The following NMNAT2 variants were observed in gnomAD, a reference collection of about 807,000 sequenced individuals.
NMNAT2 encodes nicotinamide/nicotinic acid mononucleotide adenylyltransferase 2.
A neutral mutation model predicts 41.6 loss-of-function variants in NMNAT2; 11 were observed. The observed-to-expected ratio is 0.26, with a 90% confidence interval of 0.17 to 0.44. NMNAT2 has a LOEUF of 0.44. Ranked by LOEUF, NMNAT2 falls within the 20% of genes least tolerant of loss-of-function variation. The pLI is 1.00. For missense variants in NMNAT2, 288 were observed against 407.7 expected (o/e 0.71, Z 2.53); for synonymous variants, 148 against 151.2 (o/e 0.98, Z 0.16).
chr1:183,411,273 A>G (rs1024698081), intron 1 of NMNAT2, among the ~76,000 whole-genome samples: 1 of 152,182 alleles, frequency 6.6e-6, no homozygotes, highest in African/African-American at 2.4e-5. Context: ...AGTCTACCAT[A>G]GACTTGAGAT....
At chr1:183,303,482 C>T (rs759910045) in intron 1 of NMNAT2, among the ~76,000 whole-genome samples, 4 of 152,124 alleles carry the variant, frequency 2.6e-5, no homozygotes, top group South Asian at 2.1e-4. Context: ...CAGTTTTGCC[C>T]GAGATCACAG....
chr1:183,404,947 G>A lies in NMNAT2; in HGVS notation c.85+13236C>T, dbSNP rs573578323. ...CAACTAAAAGGATCTCAGGCCGGGC[G>A]AGGTGGCTTAAGCCTGTAATCCCAG... On this transcript the variant is annotated intron_variant, in intron 1 of 10. Transcript: ENST00000287713. Among the ~76,000 whole-genome samples, 177 of 152,294 alleles carry A rather than the reference G, an allele frequency of 1.2e-3. 1 individual carries two copies. The highest frequency in any genetic ancestry group is 3.7e-3 in the African/African-American group (154 of 41,564).
intron 1 of NMNAT2, among the ~76,000 whole-genome samples, chr1:183,404,446 T>C (rs747443239): frequency 9.2e-5 from 14 of 152,324 alleles, no homozygotes; most frequent in Non-Finnish European, 1.6e-4. Flanking sequence ...GGAATGCATA[T>C]GCTTAGAAAT....
intron 1 of NMNAT2, among the ~76,000 whole-genome samples, chr1:183,334,944 A>G (rs1402215993): frequency 6.6e-6 from 1 of 152,202 alleles, no homozygotes; most frequent in African/African-American, 2.4e-5. Flanking sequence ...AAAAAGTTAC[A>G]TGATATTGTC....
At chr1:183,314,872 C>A (rs1236386304) in intron 1 of NMNAT2, among the ~76,000 whole-genome samples, 1 of 152,154 alleles carries the variant, frequency 6.6e-6, no homozygotes, top group Non-Finnish European at 1.5e-5. Context: ...AAGTGAGACT[C>A]CATCTTTAAA....
intron 7 of NMNAT2, chr1:183,283,718 T>G: frequency 2.2e-6 from 1 of 462,854 alleles, no homozygotes; most frequent in Non-Finnish European, 4.0e-6. Context: ...AAGCTCAACT[T>G]TCATGTTTTT....
chr1:183,396,838 C>A (rs543397526), intron 1 of NMNAT2, among the ~76,000 whole-genome samples: 14 of 152,206 alleles, frequency 9.2e-5, no homozygotes, highest in Admixed American at 1.3e-4. Flanking sequence ...CTGCCTTATG[C>A]CCCTCAGTCG....
intron 10 of NMNAT2, among the ~76,000 whole-genome samples, chr1:183,260,776 G>T (rs954188316): frequency 7.0e-6 from 1 of 142,828 alleles, no homozygotes; most frequent in Non-Finnish European, 1.5e-5. Flanking sequence ...CTGAGATTGC[G>T]CCATTGAACT....
chr1:183,418,061 G>T, intron 1 of NMNAT2, 122 bp downstream of exon 1: 1 of 883,946 alleles, frequency 1.1e-6, no homozygotes, highest in Middle Eastern at 3.4e-4. Context: ...CCACCAGCTG[G>T]ATGAGCCGGC....
intron 3 of NMNAT2, among the ~76,000 whole-genome samples, chr1:183,291,167 T>G (rs1053226778): frequency 6.6e-6 from 1 of 152,134 alleles, no homozygotes; most frequent in Non-Finnish European, 1.5e-5. Context: ...TCCGCCCACT[T>G]CGGCCTCCCA....
chr1:183,303,574 G>A (rs901464115), intron 1 of NMNAT2, among the ~76,000 whole-genome samples: 2 of 152,186 alleles, frequency 1.3e-5, no homozygotes, highest in Non-Finnish European at 2.9e-5. Context: ...ATTCGATTTG[G>A]TCCTTTAGTC....
At chr1:183,341,131 C>T (rs1441551037) in intron 1 of NMNAT2, among the ~76,000 whole-genome samples, 1 of 152,140 alleles carries the variant, frequency 6.6e-6, no homozygotes, top group African/African-American at 2.4e-5. Context: ...GAGTAATAGC[C>T]AGGTTGGCTA....
chr1:183,293,834 G>A, intron 1 of NMNAT2, 41 bp from the exon 2 acceptor site: 6 of 1,412,466 alleles, frequency 4.2e-6, no homozygotes, highest in Non-Finnish European at 6.0e-6. Context: ...AAGAGGAAAG[G>A]CATGGATTAA....
In NMNAT2 at chr1:183,290,119, C is replaced by T; in HGVS notation, c.321+9G>A. The T allele has an allele frequency of 6.4e-7, 1 of 1,568,594 alleles. No individual in the cohort carries two copies. Among genetic ancestry groups the T allele is most frequent in the Non-Finnish European group, 8.7e-7 (1 of 1,155,576 alleles). On this transcript the variant is annotated intron_variant, in intron 4 of 10. Coordinates refer to ENST00000287713, the MANE Select transcript of NMNAT2 (RefSeq NM_015039.4). ...TGGTTCACGCATCCCCAGGCTTGGC[C>T]CAGCTCACCTTCATGAGGTCCCGGT... is the stretch of plus-strand genomic sequence containing the variant.
chr1:183,314,014 G>A (rs1662186935), intron 1 of NMNAT2, among the ~76,000 whole-genome samples: 1 of 152,164 alleles, frequency 6.6e-6, no homozygotes, highest in African/African-American at 2.4e-5. Flanking sequence ...TGAGCCACAT[G>A]TTTATGAGAC....
intron 1 of NMNAT2, among the ~76,000 whole-genome samples, chr1:183,320,908 A>C (rs1172430799): frequency 3.3e-5 from 5 of 152,224 alleles, no homozygotes; most frequent in Admixed American, 3.3e-4. Context: ...AAGAGAGAGA[A>C]GTCATCCCTT....
chr1:183,302,735 A>G (rs925741922), intron 1 of NMNAT2, among the ~76,000 whole-genome samples: 1 of 152,140 alleles, frequency 6.6e-6, no homozygotes, highest in African/African-American at 2.4e-5. Flanking sequence ...TGCTGAATTT[A>G]TTTAAACTAG....
chr1:183,341,361 C>A (rs1226175085), intron 1 of NMNAT2, among the ~76,000 whole-genome samples: 1 of 151,686 alleles, frequency 6.6e-6, no homozygotes, highest in African/African-American at 2.4e-5. Context: ...ATAATAGACA[C>A]CCAATAAATG....
intron 1 of NMNAT2, among the ~76,000 whole-genome samples, chr1:183,296,376 C>G (rs1661697748): frequency 6.6e-6 from 1 of 152,154 alleles, no homozygotes; most frequent in Non-Finnish European, 1.5e-5. Flanking sequence ...TTTTAAGAGG[C>G]TGTCAAATTG....
Sources: allele counts gnomAD v4.1 joint callset (sites outside exome capture counted in the v4.1 genomes callset), GRCh38; gene constraint gnomAD v4.1.1; transcripts MANE v1.5; gene names NCBI Gene and HGNC (gene_info 2026-07-23, HGNC 2026-07-21).